THRB: variants seen among roughly 807,000 people sequenced by gnomAD.
THRB encodes nuclear receptor subfamily 1 group A member 2.
Under a neutral mutation model 47.8 loss-of-function variants are expected in THRB, and 12 were observed. The observed-to-expected ratio is 0.25, with a 90% confidence interval of 0.16 to 0.41. The LOEUF (loss-of-function observed/expected upper bound fraction) is 0.41, where lower values mean the gene tolerates loss of function less well. THRB is among the 10% of genes least tolerant of loss of function. THRB has a pLI of 1.00. For synonymous variants in THRB, 218 were observed against 212.2 expected, an observed-to-expected ratio of 1.03 and a Z score of -0.24; for missense variants, 348 against 589.2, an observed-to-expected ratio of 0.59 and a Z score of 4.24.
chr3:24,309,938 G>A (rs11922404), intron 2 of THRB, among the ~76,000 whole-genome samples: 94 of 152,286 alleles, frequency 6.2e-4, no homozygotes, highest in African/African-American at 2.2e-3. Flanking sequence ...GAACAAACAA[G>A]TGGAAAAGAA....
intron 4 of THRB, 66 bp from the exon 5 acceptor site, chr3:24,190,400 G>A (rs2043186782): frequency 1.3e-6 from 2 of 1,592,106 alleles, no homozygotes; most frequent in Admixed American, 1.7e-5. Context: ...GAGATGCAGA[G>A]TTTTGGAAGG....
In THRB at chr3:24,122,695, C is replaced by A. The variant is rs575610730; in HGVS notation, c.*189G>T. ...GCATTCACATCACAGGACCGGAGAA[C>A]GAAATGCAATAGTTTCAAGTACCCG... On this transcript the variant is annotated 3_prime_UTR_variant, in exon 11 of 11. Transcript: ENST00000646209. The A allele has an allele frequency of 3.0e-5, 22 of 730,946 alleles. No homozygotes were observed. The highest frequency in any genetic ancestry group is 4.9e-5 in the Admixed American group (2 of 40,880). 45.3% of individuals were successfully genotyped at this position (730,946 alleles called of 1,614,324 possible).
chr3:24,236,615 C>T (rs1436259425), intron 3 of THRB, among the ~76,000 whole-genome samples: 1 of 152,130 alleles, frequency 6.6e-6, no homozygotes, highest in Non-Finnish European at 1.5e-5. Flanking sequence ...CAGATGCTGT[C>T]ATTACAAAGA....
At chr3:24,298,256 T>A (rs1475545404) in intron 2 of THRB, among the ~76,000 whole-genome samples, 1 of 152,238 alleles carries the variant, frequency 6.6e-6, no homozygotes, top group East Asian at 1.9e-4. Flanking sequence ...GGATCACAAA[T>A]TGTGTCACTG....
intron 4 of THRB, among the ~76,000 whole-genome samples, chr3:24,221,951 C>A (rs1305896964): frequency 6.6e-6 from 1 of 152,204 alleles, no homozygotes; most frequent in African/African-American, 2.4e-5. Context: ...ACAGTCAGAG[C>A]ACAAGAGGAC....
At chr3:24,380,742 A>G (rs777819293) in intron 1 of THRB, among the ~76,000 whole-genome samples, 2 of 152,228 alleles carry the variant, frequency 1.3e-5, no homozygotes, top group Non-Finnish European at 2.9e-5. Context: ...AACAGAAGGT[A>G]GCAATTACTT....
At chr3:24,352,205 T>G (rs1226135399) in intron 1 of THRB, among the ~76,000 whole-genome samples, 1 of 152,168 alleles carries the variant, frequency 6.6e-6, no homozygotes, top group Non-Finnish European at 1.5e-5. Flanking sequence ...AGGAACAAAT[T>G]TAACCTTAAT....
At chr3:24,337,032 T>C (rs1359030555) in intron 2 of THRB, among the ~76,000 whole-genome samples, 1 of 152,198 alleles carries the variant, frequency 6.6e-6, no homozygotes, top group Non-Finnish European at 1.5e-5. Context: ...CTGAGCACAA[T>C]TTTCTGGCAT....
rs142038441 is a variant in THRB at position 24,214,744 on chromosome 3, T to C, written c.22+14194A>G. ...CTGCAACCTGGCCTGCAACCAGAGA[T>C]GGTCCTCACCATCTCTGAAGACCCT... On this transcript the variant is annotated intron_variant, in intron 4 of 10. Coordinates refer to ENST00000646209, the MANE Select transcript of THRB (RefSeq NM_001354712.2). 3.1e-3 allele frequency among the ~76,000 whole-genome samples: 470 copies of C among 152,302 alleles called. 8 individuals are homozygous for C. Among genetic ancestry groups the C allele is most frequent in the South Asian group, 6.2e-4 (3 of 4,812 alleles).
At chr3:24,256,954 C>A (rs576341892) in intron 3 of THRB, among the ~76,000 whole-genome samples, 2 of 152,136 alleles carry the variant, frequency 1.3e-5, no homozygotes, top group Non-Finnish European at 2.9e-5. Context: ...CAAATTAGCT[C>A]TGTTCTGTGA....
intron 5 of THRB, among the ~76,000 whole-genome samples, chr3:24,173,606 C>T (rs2040739436): frequency 6.6e-6 from 1 of 152,168 alleles, no homozygotes; most frequent in South Asian, 2.1e-4. Context: ...CACAGCCAAA[C>T]CTATTGATGG....
intron 1 of THRB, among the ~76,000 whole-genome samples, chr3:24,407,746 G>A (rs1235412936): frequency 1.3e-5 from 2 of 151,812 alleles, no homozygotes; most frequent in Non-Finnish European, 2.9e-5. Context: ...CATGGTATAG[G>A]AGGATTTCTT....
chr3:24,241,524 C>T (rs1346395036), intron 3 of THRB, among the ~76,000 whole-genome samples: 2 of 152,180 alleles, frequency 1.3e-5, no homozygotes, highest in African/African-American at 2.4e-5. Flanking sequence ...ATTCTTGTGC[C>T]TCTTGTCACC....
intron 3 of THRB, among the ~76,000 whole-genome samples, chr3:24,243,871 C>G (rs1257252807): frequency 6.7e-6 from 1 of 149,592 alleles, no homozygotes; most frequent in African/African-American, 2.5e-5. Context: ...GGAGAACACC[C>G]TTGTTGGGGG....
At chr3:24,218,485 A>G (rs900933909) in intron 4 of THRB, among the ~76,000 whole-genome samples, 1 of 152,092 alleles carries the variant, frequency 6.6e-6, no homozygotes, top group Non-Finnish European at 1.5e-5. Flanking sequence ...AAAGCTATAG[A>G]CATTTAAGGT....
intron 1 of THRB, among the ~76,000 whole-genome samples, chr3:24,456,110 C>T (rs899404465): frequency 7.9e-5 from 12 of 152,198 alleles, no homozygotes; most frequent in African/African-American, 2.6e-4. Context: ...AGGAGTATTG[C>T]TTGAGGTCAA....
At chr3:24,426,991 G>A (rs1391579064) in intron 1 of THRB, among the ~76,000 whole-genome samples, 2 of 151,908 alleles carry the variant, frequency 1.3e-5, no homozygotes, top group African/African-American at 2.4e-5. Flanking sequence ...TAAGCTCATC[G>A]ATGCTTGCCA....
intron 1 of THRB, among the ~76,000 whole-genome samples, chr3:24,479,514 C>T (rs1400487152): frequency 4.6e-5 from 7 of 152,102 alleles, no homozygotes; most frequent in Non-Finnish European, 8.8e-5. Context: ...TAGGCTGTCT[C>T]AGGTGGAAAG....
rs1413917288 is a variant in THRB at position 24,160,134 on chromosome 3, G to A, written c.284-7644C>T. 2.6e-5 allele frequency among the ~76,000 whole-genome samples: 4 copies of A among 152,152 alleles called. No individual in the cohort carries two copies. In the East Asian group the frequency reaches 7.7e-4, roughly 29 times the overall value. On this transcript the variant is annotated intron_variant, in intron 5 of 10. Coordinates refer to ENST00000646209, the MANE Select transcript of THRB (RefSeq NM_001354712.2). ...AAGGTGGCCCACCAGGGTGTGGCTG[G>A]CAGTGGGTGACAGCTGGAAGAAAGC...
Sources: gnomAD v4.1 joint callset for allele counts (sites outside exome capture counted in the v4.1 genomes callset) on GRCh38, gnomAD v4.1.1 for gene constraint, MANE v1.5 for transcripts, NCBI Gene and HGNC (gene_info 2026-07-23, HGNC 2026-07-21) for gene names.